DDX10: variants seen among roughly 807,000 people sequenced by gnomAD.
DDX10 encodes the protein DEAD-box helicase 10.
Under a neutral mutation model 104.3 loss-of-function variants are expected in DDX10, and 74 were observed. The ratio of observed to expected loss-of-function variants is 0.71; its 90% CI spans 0.59 to 0.86. The LOEUF (loss-of-function observed/expected upper bound fraction) is 0.86, where lower values mean the gene tolerates loss of function less well. Among genes scored for constraint, DDX10 ranks in the 40% least tolerant of loss-of-function variants. The pLI is 0.00. For missense variants in DDX10, 952 were observed against 1,040.0 expected (o/e 0.92, Z 1.16); for synonymous variants, 351 against 353.4 (o/e 0.99, Z 0.08).
chr11:108,722,017 T>A lies in DDX10; in HGVS notation c.1500-980T>A, dbSNP rs2094298953. 2.0e-5 allele frequency among the ~76,000 whole-genome samples: 3 copies of A among 152,336 alleles called. No individual in the cohort carries two copies. In the South Asian group the frequency reaches 6.2e-4, roughly 32 times the overall value. On this transcript the variant is annotated intron_variant, in intron 12 of 17. Transcript: ENST00000322536. ...ACTAGTTTTAACAGCATTACATCTG[T>A]CAACTAATTTATTCTTACAACAACC...
rs757307631 is a variant in DDX10 at position 108,813,783 on chromosome 11, A to G, written c.1966-24663A>G. ...TGTGGATCCAGCTTTATTTTGTTCT[A>G]TATAACTACCCAATTATTCCAATAT... On this transcript the variant is annotated intron_variant, in intron 13 of 17. Transcript: ENST00000322536. Among the ~76,000 whole-genome samples, 15 of 152,174 alleles carry G rather than the reference A, an allele frequency of 9.9e-5. 1 individual carries two copies. In the South Asian group the frequency reaches 1.2e-3, roughly 13 times the overall value.
chr11:108,781,894 A>G (rs1031780745), intron 13 of DDX10, among the ~76,000 whole-genome samples: 1 of 152,090 alleles, frequency 6.6e-6, no homozygotes. Context: ...CTTCTTCTGT[A>G]ATATTATCAG....
intron 13 of DDX10, among the ~76,000 whole-genome samples, chr11:108,755,560 T>C (rs2094343457): frequency 6.6e-6 from 1 of 151,990 alleles, no homozygotes; most frequent in South Asian, 2.1e-4. Context: ...TTGAACTGTC[T>C]AGCCCTTTAT....
At chr11:108,667,113 A>G (rs760358264) in intron 1 of DDX10, among the ~76,000 whole-genome samples, 1 of 152,224 alleles carries the variant, frequency 6.6e-6, no homozygotes, top group Non-Finnish European at 1.5e-5. Context: ...ATTGCTTTCA[A>G]CAGGGATCAG....
intron 17 of DDX10, among the ~76,000 whole-genome samples, chr11:108,938,630 A>G (rs1192122596): frequency 1.3e-5 from 2 of 152,096 alleles, no homozygotes; most frequent in African/African-American, 4.8e-5. Context: ...TGCTGACTGA[A>G]TTTGTATCAC....
intron 13 of DDX10, among the ~76,000 whole-genome samples, chr11:108,820,147 G>T (rs1286900854): frequency 6.6e-6 from 1 of 152,170 alleles, no homozygotes; most frequent in East Asian, 1.9e-4. Context: ...TCCTCAAAAG[G>T]GTGGTTGTGC....
Position 108,688,970 on chromosome 11 carries a change from T to C in DDX10, c.883T>C (p.Cys295Arg), listed in dbSNP as rs770314563. 1.2e-6 allele frequency: 2 copies of C among 1,614,116 alleles called. No homozygotes were observed. Among genetic ancestry groups the C allele is most frequent in the Non-Finnish European group, 8.5e-7 (1 of 1,179,990 alleles). The change falls in exon 7 of 18, where the codon TGT (cysteine) becomes CGT (arginine). Residue 295 changes from cysteine (C) to arginine (R), a missense_variant. Coordinates refer to ENST00000322536, the MANE Select transcript of DDX10 (RefSeq NM_004398.4). Reference sequence around the variant, plus strand: ...CACTTTGGAACAGAACTACATAGTCTGTGAGCTGCAGCAAAAAATAAGTGT... The same window carrying C: ...CACTTTGGAACAGAACTACATAGTCCGTGAGCTGCAGCAAAAAATAAGTGT... Reference protein sequence around the residue: ...PATLEQNYIVCELQQKISVLY... With the variant: ...PATLEQNYIVRELQQKISVLY...
intron 16 of DDX10, among the ~76,000 whole-genome samples, chr11:108,902,071 C>CT (rs1863523736): frequency 6.6e-6 from 1 of 152,090 alleles, no homozygotes; most frequent in Non-Finnish European, 1.5e-5. Context: ...TGTCAGATTT[C>CT]TTAGTCTGTC....
intron 13 of DDX10, among the ~76,000 whole-genome samples, chr11:108,779,108 C>T (rs1406108853): frequency 6.6e-6 from 1 of 152,186 alleles, no homozygotes; most frequent in Non-Finnish European, 1.5e-5. Context: ...ACTAGTTCAA[C>T]CATTGTGGAA....
intron 13 of DDX10, among the ~76,000 whole-genome samples, chr11:108,766,079 T>C (rs558829213): frequency 6.6e-6 from 1 of 152,348 alleles, no homozygotes; most frequent in South Asian, 2.1e-4. Context: ...ATTTCCCATA[T>C]TATCCACAGG....
rs183489581 is a variant in DDX10 at position 108,780,352 on chromosome 11, T to C, written c.1965+56890T>C. Among the ~76,000 whole-genome samples the C allele has an allele frequency of 2.0e-4, 31 of 152,308 alleles. No homozygotes were observed. The East Asian group carries it at 5.4e-3, about 27-fold the overall frequency. On this transcript the variant is annotated intron_variant, in intron 13 of 17. Coordinates refer to ENST00000322536, the MANE Select transcript of DDX10 (RefSeq NM_004398.4). Reference sequence around the variant, plus strand: ...CAGAGCTCCAAAAGATATATAATTATTCTTTTCTCTTGAGTTTGCACATCT... The same window carrying C: ...CAGAGCTCCAAAAGATATATAATTACTCTTTTCTCTTGAGTTTGCACATCT...
chr11:108,843,755 G>GAAA (rs35584339), intron 15 of DDX10, among the ~76,000 whole-genome samples: 29 of 143,034 alleles, frequency 2.0e-4, no homozygotes, highest in Admixed American at 2.1e-4. Context: ...AGACTCCATC[G>GAAA]AAAAAAAAAA....
chr11:108,675,265 C>T (rs1010682668), intron 2 of DDX10, among the ~76,000 whole-genome samples: 1 of 151,968 alleles, frequency 6.6e-6, no homozygotes, highest in Non-Finnish European at 1.5e-5. Context: ...ATTAATAAAC[C>T]CTTTGGATTA....
At chr11:108,910,725 ATGCGTGTGTGTG>A (rs1407802313) in intron 16 of DDX10, among the ~76,000 whole-genome samples, 3 of 103,790 alleles carry the variant, frequency 2.9e-5, no homozygotes, top group Non-Finnish European at 6.4e-5. Flanking sequence ...AGGAGCGTGC[ATGCGTGTGTGTG>A]TGTGTGTGTG....
At chr11:108,786,745 G>A (rs1394070656) in intron 13 of DDX10, among the ~76,000 whole-genome samples, 1 of 152,136 alleles carries the variant, frequency 6.6e-6, no homozygotes, top group African/African-American at 2.4e-5. Context: ...GTCATTACAT[G>A]TGAGATCCAT....
chr11:108,682,598 G>C (rs570199817), intron 6 of DDX10, among the ~76,000 whole-genome samples: 1 of 151,968 alleles, frequency 6.6e-6, no homozygotes, highest in African/African-American at 2.4e-5. Flanking sequence ...TTATTATTTG[G>C]GTCCCTTTAC....
intron 13 of DDX10, among the ~76,000 whole-genome samples, chr11:108,725,361 T>G (rs2094304112): frequency 6.6e-6 from 1 of 152,100 alleles, no homozygotes; most frequent in South Asian, 2.1e-4. Context: ...GAACATATGT[T>G]AAGGGTATAT....
intron 9 of DDX10, among the ~76,000 whole-genome samples, chr11:108,698,974 C>T (rs1305184715): frequency 6.6e-6 from 1 of 152,200 alleles, no homozygotes; most frequent in African/African-American, 2.4e-5. Flanking sequence ...CTTCCTCACC[C>T]TCCCCAACCA....
At chr11:108,716,704 G>T (rs1367319382) in intron 11 of DDX10, among the ~76,000 whole-genome samples, 2 of 152,148 alleles carry the variant, frequency 1.3e-5, no homozygotes, top group Non-Finnish European at 1.5e-5. Context: ...TTACGTTTAT[G>T]ACTTGTTGTT....
Sources: gnomAD v4.1 joint callset for allele counts (sites outside exome capture counted in the v4.1 genomes callset) on GRCh38, gnomAD v4.1.1 for gene constraint, MANE v1.5 for transcripts, NCBI Gene and HGNC (gene_info 2026-07-23, HGNC 2026-07-21) for gene names.